Variants in GGT7 observed in about 807,000 individuals in gnomAD.
GGT7 encodes gamma-glutamyltransferase 7, also known as glutathione hydrolase 7.
Under a neutral mutation model 69.2 loss-of-function variants are expected in GGT7, and 30 were observed. The ratio of observed to expected loss-of-function variants is 0.43; its 90% CI spans 0.32 to 0.59. The LOEUF (loss-of-function observed/expected upper bound fraction) is 0.59, where lower values mean the gene tolerates loss of function less well. GGT7 is among the 20% of genes least tolerant of loss of function. GGT7 has a pLI of 0.05. For missense variants in GGT7, 733 were observed against 901.1 expected (o/e 0.81, Z 2.39); for synonymous variants, 388 against 391.8 (o/e 0.99, Z 0.12).
chr20:34,857,963 AC>A (rs1206262762), intron 7 of GGT7, among the ~76,000 whole-genome samples: 1 of 152,134 alleles, frequency 6.6e-6, no homozygotes, highest in Admixed American at 6.6e-5. Flanking sequence ...AATAAACTCA[AC>A]TTTGGGTTTC....
At chr20:34,859,761 C>T (rs899047128) in intron 6 of GGT7, 122 bp from the exon 7 acceptor site, 6 of 886,148 alleles carry the variant, frequency 6.8e-6, no homozygotes, top group Non-Finnish European at 1.0e-5. Flanking sequence ...CCCCCAGGAG[C>T]CTGTTAAGTG....
chr20:34,850,897 G>A (rs371414167), intron 13 of GGT7: 2 of 616,068 alleles, frequency 3.2e-6, no homozygotes, highest in South Asian at 1.4e-5. Flanking sequence ...CCCTAAAGAG[G>A]GCTGGTTGTC....
At chr20:34,847,471 A>T (rs2079319793) in intron 14 of GGT7, among the ~76,000 whole-genome samples, 1 of 152,190 alleles carries the variant, frequency 6.6e-6, no homozygotes. Flanking sequence ...TCTTTCCCTA[A>T]TAGGAAGACT....
At chr20:34,848,749 G>C (rs1357565928) in intron 14 of GGT7, among the ~76,000 whole-genome samples, 1 of 152,198 alleles carries the variant, frequency 6.6e-6, no homozygotes, top group African/African-American at 2.4e-5. Context: ...GTTGATCTTT[G>C]ACTAGTTTAT....
chr20:34,849,458 C>G (rs941921335), intron 14 of GGT7, among the ~76,000 whole-genome samples: 6 of 152,138 alleles, frequency 3.9e-5, no homozygotes, highest in Non-Finnish European at 7.3e-5. Context: ...AGCCATTGCA[C>G]CCAGTTTCTT....
Position 34,863,734 on chromosome 20 carries a change from G to A in GGT7, c.170-186C>T, listed in dbSNP as rs1195473985. 1 of 716,180 alleles carries A rather than the reference G, an allele frequency of 1.4e-6. No individual in the cohort carries two copies. The highest frequency in any genetic ancestry group is 2.6e-6 in the Non-Finnish European group (1 of 385,086). 44.4% of individuals were successfully genotyped at this position (716,180 alleles called of 1,614,324 possible). A position where few individuals can be genotyped will look rare whatever the true frequency, so the allele number is the denominator to read the frequency against. On this transcript the variant is annotated intron_variant, in intron 1 of 14. Coordinates refer to ENST00000336431, the MANE Select transcript of GGT7 (RefSeq NM_178026.3). The surrounding 1 kb of genome is among the most constrained non-coding windows in gnomAD (Gnocchi z 4.4). ...CAGGCGGGGCAACGGTGCCCGGCTA[G>A]GAAGAGACAGGGACCTCCCCAGCTG...
Position 34,862,805 on chromosome 20 carries a change from G to A in GGT7, c.557+9C>T, listed in dbSNP as rs781743876. 2 of 1,613,704 alleles carry A rather than the reference G, an allele frequency of 1.2e-6. No individual in the cohort carries two copies. Among genetic ancestry groups the A allele is most frequent in the East Asian group, 2.2e-5 (1 of 44,826 alleles). ...GGCCTGGGGGACCCCGACCTCCACTGCTCCTTACCCGCCCAGGCCAGAACT... is the reference window on the plus strand; with the variant it reads ...GGCCTGGGGGACCCCGACCTCCACTACTCCTTACCCGCCCAGGCCAGAACT... On this transcript the variant is annotated intron_variant, in intron 3 of 14. Coordinates refer to ENST00000336431, the MANE Select transcript of GGT7 (RefSeq NM_178026.3).
At chr20:34,849,183 G>T in intron 14 of GGT7, among the ~76,000 whole-genome samples, 1 of 147,298 alleles carries the variant, frequency 6.8e-6, no homozygotes, top group Non-Finnish European at 1.5e-5. Context: ...TTTTTTAGGA[G>T]ATAGGATCTC....
chr20:34,845,897 A>C (rs948034417), intron 14 of GGT7, among the ~76,000 whole-genome samples: 3 of 152,158 alleles, frequency 2.0e-5, no homozygotes, highest in Admixed American at 1.3e-4. Context: ...CCATCTCTAC[A>C]GAAAATTTAA....
Position 34,863,355 on chromosome 20 carries a change from G to A in GGT7, c.363C>T (p.Val121=), listed in dbSNP as rs538680152. ...AGATCTGCATGACCAGCGCCACGGTGACACCGGTAGCGAAGGTGAGACAGG... is the reference window on the plus strand; with the variant it reads ...AGATCTGCATGACCAGCGCCACGGTAACACCGGTAGCGAAGGTGAGACAGG... ...VTACLTFATG[V]TVALVMQIYF... is the part of the protein sequence containing the mutation. Residue 121 remains valine, a synonymous_variant, in exon 2 of 15, where the codon GTC becomes GTT. Transcript: ENST00000336431. This position sits in a 1 kb window ranked among gnomAD's most constrained non-coding sequence, Gnocchi z 4.4. The A allele has an allele frequency of 6.2e-7, 1 of 1,613,964 alleles. No individual in the cohort carries two copies. Among genetic ancestry groups the A allele is most frequent in the East Asian group, 2.2e-5 (1 of 44,854 alleles).
intron 14 of GGT7, among the ~76,000 whole-genome samples, 173 bp from the exon 15 acceptor site, chr20:34,845,664 T>C (rs2079293197): frequency 6.6e-6 from 1 of 152,208 alleles, no homozygotes; most frequent in African/African-American, 2.4e-5. Flanking sequence ...ATAGGGATTA[T>C]ATGAGAACAT....
Position 34,852,446 on chromosome 20 carries a change from G to A in GGT7, c.1412C>T (p.Pro471Leu), listed in dbSNP as rs748483752. The change falls in exon 11 of 15, where the codon CCC becomes CTC. Residue 471 changes from proline to leucine, a missense_variant. Transcript: ENST00000336431. ...LLPVYELDGA[P>L]TAAQVLIMGP... Reference sequence around the variant, plus strand: ...CATGATCAGCACCTGGGCAGCCGTGGGAGCTCCGTCTAGTTCATAGACAGG... The same window carrying A: ...CATGATCAGCACCTGGGCAGCCGTGAGAGCTCCGTCTAGTTCATAGACAGG... The A allele has an allele frequency of 6.2e-7, 1 of 1,614,034 alleles. No homozygotes were observed. The highest frequency in any genetic ancestry group is 1.7e-5 in the Admixed American group (1 of 59,998).
intron 7 of GGT7, among the ~76,000 whole-genome samples, chr20:34,858,229 T>G (rs1202680208): frequency 6.6e-6 from 1 of 152,002 alleles, no homozygotes; most frequent in Non-Finnish European, 1.5e-5. Flanking sequence ...TATGGGCTGG[T>G]GGGGAGCAGG....
At chr20:34,872,382 G>A (rs1371622278) in intron 1 of GGT7, 4 of 334,568 alleles carry the variant, frequency 1.2e-5, no homozygotes, top group African/African-American at 4.2e-5. Flanking sequence ...TTCCTTCATC[G>A]TTAGTTGGTT....
chr20:34,847,186 C>A (rs556734261), intron 14 of GGT7, among the ~76,000 whole-genome samples: 1 of 152,312 alleles, frequency 6.6e-6, no homozygotes, highest in South Asian at 2.1e-4. Flanking sequence ...AGGGTCAGTA[C>A]ATAGTAAATA....
chr20:34,847,203 A>G (rs780118227), intron 14 of GGT7, among the ~76,000 whole-genome samples: 3 of 152,222 alleles, frequency 2.0e-5, no homozygotes, highest in Non-Finnish European at 4.4e-5. Context: ...AATATTGAGC[A>G]GATACTTACT....
At chr20:34,861,583 G>T (rs978420541) in intron 3 of GGT7, 21 bp from the exon 4 acceptor site, 13 of 1,357,950 alleles carry the variant, frequency 9.6e-6, no homozygotes, top group Non-Finnish European at 1.3e-5. Flanking sequence ...CACAGAAGGG[G>T]AAGTGTGATG....
chr20:34,869,516 C>T (rs769956990), intron 1 of GGT7, among the ~76,000 whole-genome samples: 20 of 152,132 alleles, frequency 1.3e-4, no homozygotes, highest in African/African-American at 4.3e-4. Flanking sequence ...TGACCAGAAG[C>T]GATGGATGGA....
intron 4 of GGT7, 83 bp from the exon 5 acceptor site, chr20:34,860,404 G>T: frequency 9.6e-7 from 1 of 1,043,774 alleles, no homozygotes. Context: ...AGAGCCCCAA[G>T]CCAGGGATGG....
Sources: allele counts gnomAD v4.1 joint callset (sites outside exome capture counted in the v4.1 genomes callset), GRCh38; gene constraint gnomAD v4.1.1; non-coding constraint Gnocchi (gnomAD v3.1); transcripts MANE v1.5; gene names NCBI Gene and HGNC (gene_info 2026-07-23, HGNC 2026-07-21).